NXPE2: variants seen among roughly 807,000 people sequenced by gnomAD.
NXPE2 encodes the protein NXPE family member 2.
A neutral mutation model predicts 34.4 loss-of-function variants in NXPE2; 34 were observed. The ratio of observed to expected loss-of-function variants is 0.99; its 90% CI spans 0.75 to 1.31. The LOEUF is 1.31. Ranked by LOEUF, NXPE2 falls within the 40% of genes most tolerant of loss-of-function variation. The pLI is 0.00. For missense variants in NXPE2, 649 were observed against 672.5 expected (o/e 0.97, Z 0.39); for synonymous variants, 235 against 231.3 (o/e 1.02, Z -0.15).
chr11:114,594,972 T>C, the NXPE2 span, among the ~76,000 whole-genome samples: 1 of 152,138 alleles, frequency 6.6e-6, no homozygotes. Flanking sequence ...TTGTACATTC[T>C]ACAGAACAGA....
the NXPE2 span, among the ~76,000 whole-genome samples, chr11:114,504,471 C>T: frequency 1.3e-5 from 2 of 152,154 alleles, no homozygotes; most frequent in Non-Finnish European, 2.9e-5. Flanking sequence ...GGTGAACGCC[C>T]ACCAGGGAAG....
chr11:114,772,865 C>CTGGAA, the NXPE2 span, among the ~76,000 whole-genome samples: 18 of 152,320 alleles, frequency 1.2e-4, no homozygotes, highest in African/African-American at 4.3e-4. Flanking sequence ...ATCGTCTCAG[C>CTGGAA]ATAGTCTGTC....
the NXPE2 span, among the ~76,000 whole-genome samples, chr11:114,581,957 T>C: frequency 1.3e-5 from 2 of 152,234 alleles, no homozygotes; most frequent in African/African-American, 4.8e-5. Flanking sequence ...GGCTATGGGA[T>C]ACAGTTACCC....
At chr11:114,634,032 C>T in the NXPE2 span, among the ~76,000 whole-genome samples, 19 of 151,946 alleles carry the variant, frequency 1.3e-4, no homozygotes, top group South Asian at 4.2e-4. Flanking sequence ...CCTGAGGATT[C>T]GCCACACTGA....
the NXPE2 span, among the ~76,000 whole-genome samples, chr11:114,716,889 T>C: frequency 2.6e-5 from 4 of 152,230 alleles, no homozygotes; most frequent in South Asian, 4.1e-4. Flanking sequence ...TTGTAATGAG[T>C]AGTTTCTGTC....
the NXPE2 span, among the ~76,000 whole-genome samples, chr11:114,639,830 A>G: frequency 2.5e-4 from 22 of 87,124 alleles, no homozygotes; most frequent in African/African-American, 7.1e-4. Flanking sequence ...TATAATATAT[A>G]TTATATTAAA....
chr11:114,525,794 A>T, the NXPE2 span, among the ~76,000 whole-genome samples: 1 of 152,212 alleles, frequency 6.6e-6, no homozygotes, highest in Non-Finnish European at 1.5e-5. Context: ...CAAGCTAGCC[A>T]ATACCCTTTC....
chr11:114,499,647 A>C, the NXPE2 span, among the ~76,000 whole-genome samples: 1 of 152,272 alleles, frequency 6.6e-6, no homozygotes, highest in South Asian at 2.1e-4. Flanking sequence ...TACAGAGTGA[A>C]ATGCACATAT....
the NXPE2 span, among the ~76,000 whole-genome samples, chr11:114,730,158 G>A: frequency 6.6e-6 from 1 of 152,082 alleles, no homozygotes; most frequent in Non-Finnish European, 1.5e-5. Flanking sequence ...ATTAAATAGG[G>A]AGTCTTTTTC....
chr11:114,614,605 G>A, the NXPE2 span, among the ~76,000 whole-genome samples: 7 of 151,796 alleles, frequency 4.6e-5, no homozygotes, highest in South Asian at 2.1e-4. Context: ...GCGTTGCCTC[G>A]TGGGTAACCA....
At chr11:114,535,620 A>G in the NXPE2 span, among the ~76,000 whole-genome samples, 1 of 152,226 alleles carries the variant, frequency 6.6e-6, no homozygotes, top group South Asian at 2.1e-4. Flanking sequence ...AAAAAAATGC[A>G]GGGATTGCAA....
chr11:114,803,590 T>TG, the NXPE2 span, among the ~76,000 whole-genome samples: 2 of 149,828 alleles, frequency 1.3e-5, no homozygotes, highest in Non-Finnish European at 2.9e-5. Flanking sequence ...CTCTCTTTTT[T>TG]TTTTTGAGAT....
At chr11:114,625,480 T>C in the NXPE2 span, among the ~76,000 whole-genome samples, 6 of 152,152 alleles carry the variant, frequency 3.9e-5, no homozygotes, top group Non-Finnish European at 8.8e-5. Flanking sequence ...CGGTGGATAA[T>C]ATGTATGGCC....
chr11:114,635,186 T>C, the NXPE2 span, among the ~76,000 whole-genome samples: 22 of 150,462 alleles, frequency 1.5e-4, no homozygotes, highest in South Asian at 2.6e-3. Context: ...TCACGTCCCT[T>C]GTAAGTTGGA....
chr11:114,714,660 G>T, the NXPE2 span, among the ~76,000 whole-genome samples: 14 of 152,184 alleles, frequency 9.2e-5, no homozygotes, highest in Non-Finnish European at 2.1e-4. Flanking sequence ...CAGCTGAAAG[G>T]TTGTATGATC....
At chr11:114,765,496 AC>A in the NXPE2 span, among the ~76,000 whole-genome samples, 5 of 152,168 alleles carry the variant, frequency 3.3e-5, no homozygotes, top group African/African-American at 9.7e-5. Flanking sequence ...TATAAACATA[AC>A]TTTTGTATAT....
the NXPE2 span, among the ~76,000 whole-genome samples, chr11:114,584,891 G>T: frequency 6.6e-6 from 1 of 152,236 alleles, no homozygotes; most frequent in African/African-American, 2.4e-5. Flanking sequence ...GAAATGCCTT[G>T]CCACCTATCC....
At chr11:114,488,236 T>A in the NXPE2 span, among the ~76,000 whole-genome samples, 15 of 152,260 alleles carry the variant, frequency 9.9e-5, no homozygotes, top group South Asian at 1.7e-3. Context: ...TTGGGAGGTT[T>A]TACGTGCCTA....
the NXPE2 span, among the ~76,000 whole-genome samples, chr11:114,725,976 A>AAAAATATATATATATATATATAT: frequency 7.9e-5 from 8 of 101,764 alleles, no homozygotes; most frequent in African/African-American, 2.0e-4. Context: ...ATAAAAAAAA[A>AAAAATATATATATATATATATAT]ATATATATAT....
Sources: allele counts gnomAD v4.1 joint callset (sites outside exome capture counted in the v4.1 genomes callset), GRCh38; gene constraint gnomAD v4.1.1; transcripts MANE v1.5; gene names NCBI Gene and HGNC (gene_info 2026-07-23, HGNC 2026-07-21).